Variants in SEPTIN14 observed in about 807,000 individuals in gnomAD.
The protein encoded by SEPTIN14 is septin 14, also known as septin-14.
In SEPTIN14, 40 loss-of-function variants were observed where a neutral mutation model predicts 53.6. The observed-to-expected ratio is 0.75, with a 90% CI of 0.58 to 0.97. SEPTIN14 has a LOEUF of 0.97. Ranked by LOEUF, SEPTIN14 falls within the 50% of genes least tolerant of loss-of-function variation. The pLI, the probability that SEPTIN14 is intolerant of heterozygous loss-of-function variation, is 0.00. For synonymous variants in SEPTIN14, 138 were observed against 166.8 expected, an observed-to-expected ratio of 0.83 and a Z score of 1.33; for missense variants, 471 against 508.2, an observed-to-expected ratio of 0.93 and a Z score of 0.70.
At chr7:55,857,061 C>A (rs552805089) in intron 2 of SEPTIN14, among the ~76,000 whole-genome samples, 1 of 150,548 alleles carries the variant, frequency 6.6e-6, no homozygotes, top group East Asian at 2.0e-4. Context: ...CAGAGCGAGA[C>A]TCTATCTCAA....
intron 6 of SEPTIN14, 113 bp from the exon 7 acceptor site, chr7:55,819,336 T>TC (rs1788851518): frequency 1.3e-6 from 1 of 747,426 alleles, no homozygotes. Flanking sequence ...ATGCCTGTAA[T>TC]CCCAGCACTT....
intron 8 of SEPTIN14, 150 bp downstream of exon 8, chr7:55,806,940 A>T: frequency 3.7e-6 from 2 of 539,244 alleles, no homozygotes; most frequent in Non-Finnish European, 3.1e-6. Context: ...TCGTCAAAAG[A>T]TCATAAAAAC....
chr7:55,830,784 T>A (rs773123003), intron 6 of SEPTIN14, among the ~76,000 whole-genome samples: 2 of 151,664 alleles, frequency 1.3e-5, no homozygotes, highest in Non-Finnish European at 2.9e-5. Context: ...AAAATAGATA[T>A]CCTAAATAGA....
At chr7:55,828,294 G>A (rs1285642041) in intron 6 of SEPTIN14, among the ~76,000 whole-genome samples, 2 of 140,986 alleles carry the variant, frequency 1.4e-5, no homozygotes, top group African/African-American at 2.7e-5. Context: ...GGTTACAGAT[G>A]AAAGCTTTTT....
intron 6 of SEPTIN14, among the ~76,000 whole-genome samples, chr7:55,823,133 T>G (rs777016195): frequency 2.6e-5 from 4 of 152,338 alleles, no homozygotes; most frequent in African/African-American, 7.2e-5. Flanking sequence ...GTCAAATCCA[T>G]GGACTGGATT....
rs1001528170 is a variant in SEPTIN14 at position 55,794,033 on chromosome 7, T to A, written c.*1880A>T. The A allele has an allele frequency of 1.3e-5, 2 of 152,160 alleles. No homozygotes were observed. The highest frequency in any genetic ancestry group is 4.8e-5 in the African/African-American group (2 of 41,468). The allele number at this position is 152,160 out of a possible 1,614,324, so 9.4% of individuals were successfully genotyped here. On this transcript the variant is annotated 3_prime_UTR_variant, in exon 10 of 10. Transcript: ENST00000388975. ...GTTATATGGAAAACCAACACTAATTTTTTTTAGAAAAAATTATGGAAAATA... is the reference window on the plus strand; with the variant it reads ...GTTATATGGAAAACCAACACTAATTATTTTTAGAAAAAATTATGGAAAATA...
At position 55,843,019 on chromosome 7, in the gene SEPTIN14, A is replaced by C. The variant is rs1251212832; in HGVS notation, c.481T>G (p.Cys161Gly). The change falls in exon 5 of 10, where the codon TGT becomes GGT. Residue 161 changes from cysteine (C) to glycine (G), a missense_variant. By Grantham distance (159) the Cys-to-Gly change is radical (BLOSUM62 -3). Coordinates refer to ENST00000388975, the MANE Select transcript of SEPTIN14 (RefSeq NM_207366.3). ...CCTGTAGGTGAAATGAAGTAAAGAC[A>C]CACGTGGACGCGAGAATCATGGTAC... is the stretch of plus-strand genomic sequence containing the variant. ...FEYHDSRVHVCLYFISPTGHS... is the reference protein window; with the variant it reads ...FEYHDSRVHVGLYFISPTGHS... The C allele has an allele frequency of 1.9e-6, 3 of 1,587,792 alleles. No homozygotes were observed. In the South Asian group the frequency reaches 3.4e-5, roughly 18 times the overall value.
chr7:55,846,088 T>C (rs1416926359), intron 3 of SEPTIN14, among the ~76,000 whole-genome samples: 1 of 127,804 alleles, frequency 7.8e-6, no homozygotes, highest in Non-Finnish European at 1.7e-5. Flanking sequence ...TATATATATA[T>C]ATATGTATAC....
chr7:55,859,523 A>T (rs1187619437), intron 2 of SEPTIN14, among the ~76,000 whole-genome samples: 2 of 152,166 alleles, frequency 1.3e-5, no homozygotes, highest in Non-Finnish European at 2.9e-5. Context: ...TATAATTTTA[A>T]ATCAGGATGT....
intron 6 of SEPTIN14, among the ~76,000 whole-genome samples, chr7:55,819,638 A>G (rs887374663): frequency 6.6e-6 from 1 of 152,134 alleles, no homozygotes; most frequent in African/African-American, 2.4e-5. Flanking sequence ...ATTTAATTAG[A>G]CAGGGATCTA....
At chr7:55,806,502 C>A (rs1334244220) in intron 8 of SEPTIN14, among the ~76,000 whole-genome samples, 4 of 150,034 alleles carry the variant, frequency 2.7e-5, no homozygotes, top group Non-Finnish European at 5.9e-5. Context: ...TTGCTCAGTC[C>A]GCCACGCTGG....
rs1788723462 is a variant in SEPTIN14, at chr7:55,812,781, A to G, written c.818-5523T>C. The stretch of plus-strand genomic sequence containing the variant: ...TAGTAAAGAGAGTCTTGCATAGCCT[A>G]TGCCATCTGACATTCATCCCCCAGC... On this transcript the variant is annotated intron_variant, in intron 7 of 9. Transcript: ENST00000388975. Among the ~76,000 whole-genome samples the G allele has an allele frequency of 2.0e-5, 3 of 152,186 alleles. No homozygotes were observed. In the South Asian group the frequency reaches 6.2e-4, roughly 32 times the overall value.
chr7:55,852,061 G>A (rs1423912613), intron 2 of SEPTIN14, among the ~76,000 whole-genome samples: 9 of 150,552 alleles, frequency 6.0e-5, no homozygotes, highest in Non-Finnish European at 1.3e-4. Flanking sequence ...AGAATGACGT[G>A]AACCTGAGAG....
rs181324907 is a variant in SEPTIN14, at chr7:55,813,829, G to C, written c.817+5298C>G. ...GGGAACTTGCTGCACTGAAGAGATG[G>C]ACCCAGCCCAGCAGGACTCACCACC... On this transcript the variant is annotated intron_variant, in intron 7 of 9. Transcript: ENST00000388975. 2.3e-4 allele frequency among the ~76,000 whole-genome samples: 35 copies of C among 152,232 alleles called. No homozygotes were observed. In the East Asian group the frequency reaches 6.6e-3, roughly 29 times the overall value.
intron 9 of SEPTIN14, among the ~76,000 whole-genome samples, chr7:55,804,046 G>GA (rs760483731): frequency 5.6e-5 from 8 of 143,832 alleles, no homozygotes; most frequent in Non-Finnish European, 9.0e-5. Context: ...TGGGGCAGGA[G>GA]AATGGCGTGA....
intron 6 of SEPTIN14, among the ~76,000 whole-genome samples, chr7:55,833,187 C>T (rs994615289): frequency 3.3e-5 from 5 of 151,850 alleles, no homozygotes; most frequent in African/African-American, 7.3e-5. Flanking sequence ...TGGTGGCGCA[C>T]GCCTGTAGTC....
intron 6 of SEPTIN14, among the ~76,000 whole-genome samples, chr7:55,830,869 C>G (rs1789098170): frequency 6.6e-6 from 1 of 152,032 alleles, no homozygotes; most frequent in Non-Finnish European, 1.5e-5. Context: ...GATAGGTTTA[C>G]AGCCAAATTT....
chr7:55,801,827 G>A lies in SEPTIN14; in HGVS notation c.1119+3431C>T, dbSNP rs565358139. Among the ~76,000 whole-genome samples the A allele has an allele frequency of 1.2e-3, 183 of 152,078 alleles. 1 individual carries two copies. Among genetic ancestry groups the A allele is most frequent in the African/African-American group, 4.2e-3 (173 of 41,474 alleles). On this transcript the variant is annotated intron_variant, in intron 9 of 9. Coordinates refer to ENST00000388975, the MANE Select transcript of SEPTIN14 (RefSeq NM_207366.3). ...TCCCAGCTACTCGAGAAGCTGAGGTGGGAGGATCACTTGAGCCTGGGAGGT... is the reference window on the plus strand; with the variant it reads ...TCCCAGCTACTCGAGAAGCTGAGGTAGGAGGATCACTTGAGCCTGGGAGGT...
chr7:55,815,400 T>C (rs1212814142), intron 7 of SEPTIN14, among the ~76,000 whole-genome samples: 4 of 152,162 alleles, frequency 2.6e-5, no homozygotes, highest in African/African-American at 9.6e-5. Context: ...CCAGAATATA[T>C]TTAAGAAGCT....
Sources: allele counts gnomAD v4.1 joint callset (sites outside exome capture counted in the v4.1 genomes callset), GRCh38; gene constraint gnomAD v4.1.1; transcripts MANE v1.5; gene names NCBI Gene and HGNC (gene_info 2026-07-23, HGNC 2026-07-21).